RBMS1: variants seen among roughly 807,000 people sequenced by gnomAD.
RBMS1 encodes RNA binding motif single stranded interacting protein 1.
A neutral mutation model predicts 62.3 loss-of-function variants in RBMS1; 17 were observed. That is an observed-to-expected ratio of 0.27 (90% CI 0.19 to 0.41). The LOEUF is 0.41. Among genes scored for constraint, RBMS1 ranks in the 10% least tolerant of loss-of-function variants. RBMS1 has a pLI of 1.00. For missense variants in RBMS1, 334 were observed against 504.5 expected (o/e 0.66, Z 3.24); for synonymous variants, 172 against 170.0 (o/e 1.01, Z -0.09).
intron 1 of RBMS1, among the ~76,000 whole-genome samples, chr2:160,456,534 A>G (rs1270493120): frequency 5.9e-5 from 9 of 152,210 alleles, no homozygotes; most frequent in African/African-American, 2.2e-4. Context: ...TCTTCTAAAC[A>G]CAATACCTTG....
At chr2:160,327,785 G>A (rs1487384696) in intron 2 of RBMS1, among the ~76,000 whole-genome samples, 3 of 152,122 alleles carry the variant, frequency 2.0e-5, no homozygotes, top group African/African-American at 7.2e-5. Context: ...CAAGTAAAAT[G>A]TATATTATCT....
At chr2:160,452,793 C>A (rs1380968737) in intron 1 of RBMS1, among the ~76,000 whole-genome samples, 1 of 152,228 alleles carries the variant, frequency 6.6e-6, no homozygotes. Context: ...GGCTTACAGT[C>A]CAGCAGAGAA....
chr2:160,420,804 T>C (rs1696393779), intron 1 of RBMS1, among the ~76,000 whole-genome samples: 1 of 152,198 alleles, frequency 6.6e-6, no homozygotes, highest in Non-Finnish European at 1.5e-5. Flanking sequence ...CCAGAAAAGA[T>C]AAGCATTAAC....
chr2:160,438,313 A>C (rs891285025), intron 1 of RBMS1, among the ~76,000 whole-genome samples: 1 of 114,880 alleles, frequency 8.7e-6, no homozygotes, highest in African/African-American at 3.5e-5. Flanking sequence ...GCAGAGGGGG[A>C]TTTGGCAGGG....
At chr2:160,344,132 G>C (rs943819200) in intron 2 of RBMS1, among the ~76,000 whole-genome samples, 1 of 152,058 alleles carries the variant, frequency 6.6e-6, no homozygotes, top group African/African-American at 2.4e-5. Flanking sequence ...CTTTTAACCT[G>C]AAAGTTATAT....
intron 1 of RBMS1, among the ~76,000 whole-genome samples, chr2:160,420,972 T>C (rs1325919799): frequency 6.6e-6 from 1 of 152,132 alleles, no homozygotes; most frequent in Non-Finnish European, 1.5e-5. Flanking sequence ...ACGATGTATT[T>C]TAGAATGACT....
intron 2 of RBMS1, among the ~76,000 whole-genome samples, chr2:160,325,338 C>G (rs1302867870): frequency 2.0e-5 from 3 of 152,032 alleles, no homozygotes; most frequent in Non-Finnish European, 4.4e-5. Context: ...AATAACATGC[C>G]CAGTAGAGCA....
chr2:160,353,556 A>C (rs1692635990), intron 2 of RBMS1, among the ~76,000 whole-genome samples: 1 of 152,140 alleles, frequency 6.6e-6, no homozygotes, highest in Non-Finnish European at 1.5e-5. Flanking sequence ...TGGAGAGGAC[A>C]AAGTTAAGTT....
intron 2 of RBMS1, among the ~76,000 whole-genome samples, chr2:160,322,546 G>A (rs1161591564): frequency 6.6e-6 from 1 of 152,210 alleles, no homozygotes; most frequent in African/African-American, 2.4e-5. Flanking sequence ...CTGAAAGACT[G>A]TGATTTCACA....
intron 4 of RBMS1, among the ~76,000 whole-genome samples, chr2:160,306,904 T>C (rs1689560081): frequency 6.6e-6 from 1 of 152,046 alleles, no homozygotes; most frequent in Non-Finnish European, 1.5e-5. Flanking sequence ...TTATTTACAA[T>C]GCTATGTGTG....
At chr2:160,328,211 C>T (rs1020773825) in intron 2 of RBMS1, among the ~76,000 whole-genome samples, 1 of 152,098 alleles carries the variant, frequency 6.6e-6, no homozygotes, top group African/African-American at 2.4e-5. Flanking sequence ...CACTATGGTG[C>T]CTGACATATA....
intron 2 of RBMS1, among the ~76,000 whole-genome samples, chr2:160,356,223 T>C (rs1295619497): frequency 6.6e-6 from 1 of 152,156 alleles, no homozygotes; most frequent in Non-Finnish European, 1.5e-5. Context: ...GAGTTTCATA[T>C]GACCAGCTAT....
intron 2 of RBMS1, among the ~76,000 whole-genome samples, chr2:160,353,363 C>T (rs72974947): frequency 0.027 from 4,076 of 152,138 alleles, 106 homozygotes; most frequent in Middle Eastern, 0.061. Flanking sequence ...AATGACCAGC[C>T]TCATCCATAG....
At chr2:160,490,733 C>A (rs1411994866) in intron 1 of RBMS1, among the ~76,000 whole-genome samples, 1 of 152,136 alleles carries the variant, frequency 6.6e-6, no homozygotes, top group Non-Finnish European at 1.5e-5. Context: ...CTGGTATTAT[C>A]TGTTCCTTCT....
chr2:160,282,181 C>T, intron 9 of RBMS1: 2 of 1,244,740 alleles, frequency 1.6e-6, no homozygotes, highest in Non-Finnish European at 2.2e-6. Context: ...GCATTTTATC[C>T]CCTATTGTTA....
chr2:160,488,879 G>A (rs1003161390), intron 1 of RBMS1, among the ~76,000 whole-genome samples: 3 of 152,038 alleles, frequency 2.0e-5, no homozygotes, highest in Non-Finnish European at 4.4e-5. Flanking sequence ...GCTAGATGCC[G>A]AAATGGTTTC....
intron 1 of RBMS1, among the ~76,000 whole-genome samples, chr2:160,463,759 T>C (rs140714575): frequency 6.6e-6 from 1 of 152,202 alleles, no homozygotes; most frequent in East Asian, 1.9e-4. Flanking sequence ...CACACCAGCC[T>C]GGGTGACAAG....
intron 1 of RBMS1, among the ~76,000 whole-genome samples, chr2:160,471,404 A>G (rs1684904326): frequency 6.6e-6 from 1 of 152,028 alleles, no homozygotes. Flanking sequence ...AGGAGTCTCT[A>G]ATCTAGAAAA....
chr2:160,340,123 AT>A lies in RBMS1; in HGVS notation c.252-21897del, dbSNP rs547916022. Among the ~76,000 whole-genome samples, 315 of 152,180 alleles carry A rather than the reference AT, an allele frequency of 2.1e-3. 1 individual carries two copies. The highest frequency in any genetic ancestry group is 6.4e-3 in the South Asian group (31 of 4,820). On this transcript the variant is annotated intron_variant, in intron 2 of 13. Transcript: ENST00000348849. ...TTTCTTCTATATACTTTTTAATGTT[AT>A]TTTTTTCTAATTTTTCATGACCTAT... is the stretch of plus-strand genomic sequence containing the variant.
Sources: gnomAD v4.1 joint callset for allele counts (sites outside exome capture counted in the v4.1 genomes callset) on GRCh38, gnomAD v4.1.1 for gene constraint, MANE v1.5 for transcripts, NCBI Gene and HGNC (gene_info 2026-07-23, HGNC 2026-07-21) for gene names.